The following FOXN2 variants were observed in gnomAD, a reference collection of about 807,000 sequenced individuals.
The protein encoded by FOXN2 is forkhead box N2.
A neutral mutation model predicts 41.2 loss-of-function variants in FOXN2; 19 were observed. That is an observed-to-expected ratio of 0.46 (90% CI 0.32 to 0.68). FOXN2 has a LOEUF of 0.68. FOXN2 is among the 30% of genes least tolerant of loss of function. The pLI, the probability that FOXN2 is intolerant of heterozygous loss-of-function variation, is 0.03. For synonymous variants in FOXN2, 195 were observed against 176.8 expected (o/e 1.10, Z -0.82); for missense variants, 587 against 509.4 (o/e 1.15, Z -1.47).
intron 5 of FOXN2, among the ~76,000 whole-genome samples, chr2:48,372,852 G>A (rs775811726): frequency 1.1e-4 from 16 of 151,184 alleles, no homozygotes; most frequent in Non-Finnish European, 1.8e-4. Flanking sequence ...TCCTGTAACT[G>A]GCATGTAATT....
intron 5 of FOXN2, among the ~76,000 whole-genome samples, chr2:48,369,311 G>A (rs760690084): frequency 3.9e-5 from 6 of 152,182 alleles, no homozygotes; most frequent in Non-Finnish European, 7.4e-5. Flanking sequence ...GCCAAGGCGG[G>A]TGGATCATCT....
intron 1 of FOXN2, among the ~76,000 whole-genome samples, chr2:48,315,925 T>C (rs1483687424): frequency 6.6e-6 from 1 of 152,204 alleles, no homozygotes; most frequent in Non-Finnish European, 1.5e-5. Context: ...ACAGACTTTC[T>C]TTCTCCTACC....
intron 2 of FOXN2, among the ~76,000 whole-genome samples, chr2:48,343,626 G>A (rs189011776): frequency 2.6e-5 from 4 of 152,222 alleles, no homozygotes; most frequent in East Asian, 1.9e-4. Flanking sequence ...GCTGGGCATG[G>A]TGTGTGCCTG....
At chr2:48,325,027 T>A (rs1669570824) in intron 1 of FOXN2, among the ~76,000 whole-genome samples, 1 of 152,210 alleles carries the variant, frequency 6.6e-6, no homozygotes, top group South Asian at 2.1e-4. Flanking sequence ...TTGAACAGGA[T>A]TAGTATAGTT....
chr2:48,322,444 G>A (rs998362103), intron 1 of FOXN2, among the ~76,000 whole-genome samples: 1 of 152,032 alleles, frequency 6.6e-6, no homozygotes, highest in Non-Finnish European at 1.5e-5. Context: ...TAAGTTTTTG[G>A]TTTTATTACT....
At position 48,375,451 on chromosome 2, in the gene FOXN2, T is replaced by A. The variant is rs1360766502; in HGVS notation, c.*8T>A. 1 of 1,593,910 alleles carries A rather than the reference T, an allele frequency of 6.3e-7. No individual in the cohort carries two copies. Among genetic ancestry groups the A allele is most frequent in the Admixed American group, 1.7e-5 (1 of 58,082 alleles). ...AAGCAACGGAAAAAATAGAAATACTTAAAGTGTGGCAATACTCTTTCACTT... is the reference window on the plus strand; with the variant it reads ...AAGCAACGGAAAAAATAGAAATACTAAAAGTGTGGCAATACTCTTTCACTT... On this transcript the variant is annotated 3_prime_UTR_variant, in exon 7 of 7. Transcript: ENST00000340553.
intron 1 of FOXN2, among the ~76,000 whole-genome samples, chr2:48,320,873 GTTA>G (rs1472685900): frequency 2.0e-5 from 3 of 152,168 alleles, no homozygotes; most frequent in African/African-American, 7.2e-5. Flanking sequence ...CTACTTTATT[GTTA>G]TAGCAAGTTA....
intron 4 of FOXN2, among the ~76,000 whole-genome samples, chr2:48,360,702 GTTA>G (rs992376698): frequency 6.6e-6 from 1 of 151,394 alleles, no homozygotes; most frequent in Non-Finnish European, 1.5e-5. Flanking sequence ...ATTAATTTTG[GTTA>G]TTATGAGGCA....
chr2:48,334,042 A>C (rs1670184631), intron 2 of FOXN2, among the ~76,000 whole-genome samples: 1 of 152,102 alleles, frequency 6.6e-6, no homozygotes, highest in Non-Finnish European at 1.5e-5. Flanking sequence ...TAAGATATGG[A>C]AGTAAGGTTT....
chr2:48,365,489 T>G (rs1465325652), intron 5 of FOXN2, among the ~76,000 whole-genome samples: 1 of 152,232 alleles, frequency 6.6e-6, no homozygotes, highest in African/African-American at 2.4e-5. Flanking sequence ...TGGAGTTTAC[T>G]TAAATCTTTT....
intron 1 of FOXN2, among the ~76,000 whole-genome samples, chr2:48,322,304 A>G (rs1366576882): frequency 2.0e-5 from 3 of 151,674 alleles, no homozygotes; most frequent in Admixed American, 6.6e-5. Context: ...TTTTTTTTTT[A>G]ATTGTAAAGT....
intron 3 of FOXN2, among the ~76,000 whole-genome samples, chr2:48,350,891 C>T (rs1243136214): frequency 6.6e-6 from 1 of 152,178 alleles, no homozygotes; most frequent in Non-Finnish European, 1.5e-5. Flanking sequence ...TTACGACTGC[C>T]ATCTCTGTGC....
intron 2 of FOXN2, among the ~76,000 whole-genome samples, chr2:48,332,340 TAA>T (rs1273863464): frequency 2.0e-5 from 3 of 152,220 alleles, no homozygotes; most frequent in African/African-American, 7.2e-5. Flanking sequence ...TAAAAGTTTA[TAA>T]TAAAGTACTT....
intron 6 of FOXN2, among the ~76,000 whole-genome samples, chr2:48,373,845 A>G (rs938311497): frequency 6.6e-6 from 1 of 152,172 alleles, no homozygotes; most frequent in African/African-American, 2.4e-5. Context: ...ACTTGAGACC[A>G]GGAGTTCCAG....
chr2:48,366,203 A>G (rs1360467334), intron 5 of FOXN2, among the ~76,000 whole-genome samples: 4 of 152,140 alleles, frequency 2.6e-5, no homozygotes, highest in Non-Finnish European at 2.9e-5. Context: ...CTAAAAATAC[A>G]AAAATTAGCT....
chr2:48,350,143 T>C (rs1001400475), intron 3 of FOXN2, among the ~76,000 whole-genome samples: 2 of 152,240 alleles, frequency 1.3e-5, no homozygotes, highest in African/African-American at 4.8e-5. Flanking sequence ...TTGCCATTTA[T>C]CCACATGTGG....
At chr2:48,353,724 T>A (rs1293803361) in intron 3 of FOXN2, among the ~76,000 whole-genome samples, 1 of 152,164 alleles carries the variant, frequency 6.6e-6, no homozygotes, top group Non-Finnish European at 1.5e-5. Flanking sequence ...GTTTCTAATT[T>A]TTTGTTATAA....
intron 6 of FOXN2, 125 bp from the exon 7 acceptor site, chr2:48,374,795 A>G: frequency 2.5e-6 from 2 of 809,576 alleles, no homozygotes; most frequent in East Asian, 2.6e-5. Flanking sequence ...AAAAAAAATA[A>G]AAAATCTACA....
chr2:48,369,335 C>T (rs540150130), intron 5 of FOXN2, among the ~76,000 whole-genome samples: 2 of 150,958 alleles, frequency 1.3e-5, no homozygotes, highest in African/African-American at 4.9e-5. Flanking sequence ...GTCAGGAGTT[C>T]AAGACCAGCC....
Sources: allele counts gnomAD v4.1 joint callset (sites outside exome capture counted in the v4.1 genomes callset), GRCh38; gene constraint gnomAD v4.1.1; transcripts MANE v1.5; gene names NCBI Gene and HGNC (gene_info 2026-07-23, HGNC 2026-07-21).